DKK3: variants seen among roughly 807,000 people sequenced by gnomAD.
DKK3 encodes dickkopf Wnt signaling pathway inhibitor 3.
A neutral mutation model predicts 33.2 loss-of-function variants in DKK3; 22 were observed. That is an observed-to-expected ratio of 0.66 (90% CI 0.47 to 0.95). The LOEUF (loss-of-function observed/expected upper bound fraction) is 0.95, where lower values mean the gene tolerates loss of function less well. Ranked by LOEUF, DKK3 falls within the 40% of genes least tolerant of loss-of-function variation. The pLI, the probability that DKK3 is intolerant of heterozygous loss-of-function variation, is 0.00. For synonymous variants in DKK3, 194 were observed against 188.8 expected, an observed-to-expected ratio of 1.03 and a Z score of -0.23; for missense variants, 398 against 458.4, an observed-to-expected ratio of 0.87 and a Z score of 1.20.
chr11:11,999,517 C>T (rs1374899540), intron 2 of DKK3, among the ~76,000 whole-genome samples: 2 of 152,156 alleles, frequency 1.3e-5, no homozygotes, highest in African/African-American at 4.8e-5. Flanking sequence ...CCCAGCTACT[C>T]GGGAGGCTGA....
chr11:11,965,429 A>G (rs1590493810), intron 6 of DKK3, among the ~76,000 whole-genome samples: 2 of 152,116 alleles, frequency 1.3e-5, no homozygotes, highest in South Asian at 4.1e-4. Context: ...TGCACCCTCC[A>G]CCTTGGTGGC....
chr11:11,966,052 C>G, intron 5 of DKK3, 87 bp from the exon 6 acceptor site: 2 of 1,431,190 alleles, frequency 1.4e-6, no homozygotes, highest in Non-Finnish European at 9.3e-7. Flanking sequence ...AGCATAACCT[C>G]CCACCTCCCA....
intron 3 of DKK3, among the ~76,000 whole-genome samples, chr11:11,973,709 C>G (rs1020868900): frequency 2.0e-5 from 3 of 152,202 alleles, no homozygotes; most frequent in African/African-American, 7.2e-5. Flanking sequence ...ATAGATTTGG[C>G]AGGAATGTCA....
At chr11:11,985,900 C>T (rs1848060883) in intron 3 of DKK3, among the ~76,000 whole-genome samples, 2 of 152,234 alleles carry the variant, frequency 1.3e-5, no homozygotes, top group African/African-American at 2.4e-5. Context: ...CTGAGTATGA[C>T]TTCTGGCCTT....
chr11:11,993,820 A>G (rs1848235524), intron 3 of DKK3, among the ~76,000 whole-genome samples: 1 of 152,208 alleles, frequency 6.6e-6, no homozygotes, highest in Non-Finnish European at 1.5e-5. Context: ...CCTTAGGACA[A>G]TAAGTCTGTT....
chr11:11,966,357 C>T (rs1056792595), intron 5 of DKK3, among the ~76,000 whole-genome samples: 1 of 152,134 alleles, frequency 6.6e-6, no homozygotes, highest in African/African-American at 2.4e-5. Flanking sequence ...AAAAGGAGGG[C>T]AAGTAAGTTG....
chr11:11,991,171 A>G (rs1425537985), intron 3 of DKK3, among the ~76,000 whole-genome samples: 2 of 152,226 alleles, frequency 1.3e-5, no homozygotes, highest in East Asian at 3.8e-4. Flanking sequence ...AATGGACTGC[A>G]AGCAAACCTG....
At chr11:11,966,412 C>T (rs1564905818) in intron 5 of DKK3, among the ~76,000 whole-genome samples, 1 of 152,138 alleles carries the variant, frequency 6.6e-6, no homozygotes, top group Non-Finnish European at 1.5e-5. Context: ...GTCTGAACAT[C>T]GTGGGAGACA....
At chr11:11,971,830 G>A (rs748241617) in intron 3 of DKK3, among the ~76,000 whole-genome samples, 8 of 151,966 alleles carry the variant, frequency 5.3e-5, no homozygotes, top group East Asian at 3.9e-4. Flanking sequence ...TTCTAGGTAC[G>A]GAAAAAAAAT....
At chr11:11,997,078 G>A (rs1848311689) in intron 3 of DKK3, among the ~76,000 whole-genome samples, 1 of 152,228 alleles carries the variant, frequency 6.6e-6, no homozygotes, top group African/African-American at 2.4e-5. Context: ...GGACACAGCT[G>A]CCTCGTTGAA....
chr11:11,980,372 A>T (rs989423096), intron 3 of DKK3, among the ~76,000 whole-genome samples: 1 of 152,230 alleles, frequency 6.6e-6, no homozygotes, highest in Non-Finnish European at 1.5e-5. Context: ...GACCAAGGTC[A>T]TGAGTTCCTG....
At chr11:11,992,089 A>G (rs978230017) in intron 3 of DKK3, among the ~76,000 whole-genome samples, 2 of 152,222 alleles carry the variant, frequency 1.3e-5, no homozygotes, top group African/African-American at 4.8e-5. Context: ...AAATAAATGA[A>G]TGAATTAATA....
Position 12,008,535 on chromosome 11 carries a change from C to A in DKK3, c.48G>T (p.Ala16=), listed in dbSNP as rs990459766. Residue 16 remains alanine, a synonymous_variant, in exon 1 of 7, where the codon GCG becomes GCT. Transcript: ENST00000683431. This position sits in a 1 kb window ranked among gnomAD's most constrained non-coding sequence, Gnocchi z 4.6. ...GAGCGGGCGCGGGGGCCGTGGGGAC[C>A]GCCGCCGCCAGCAGCAGGCACAGCA... ...ATLLCLLLAA[A]VPTAPAPAPT... is the part of the protein sequence containing the mutation. The A allele has an allele frequency of 2.6e-6, 4 of 1,554,898 alleles. No individual in the cohort carries two copies. The highest frequency in any genetic ancestry group is 3.5e-6 in the Non-Finnish European group (4 of 1,157,846).
At position 12,008,260 on chromosome 11, in the gene DKK3, G is replaced by A; in HGVS notation, c.213+110C>T. On this transcript the variant is annotated intron_variant, in intron 1 of 6. Transcript: ENST00000683431. The surrounding 1 kb of genome is among the most constrained non-coding windows in gnomAD (Gnocchi z 4.6). ...CGCATCTGCTGTCGGCCCTTCCCAG[G>A]CCCTGCGCGGGACCCGAGGTCCCTG... The A allele has an allele frequency of 2.9e-6, 4 of 1,388,164 alleles. No homozygotes were observed. Among genetic ancestry groups the A allele is most frequent in the Non-Finnish European group, 2.9e-6 (3 of 1,041,252 alleles). The allele number at this position is 1,388,164 out of a possible 1,614,324, so 86.0% of individuals were successfully genotyped here. A position where few individuals can be genotyped will look rare whatever the true frequency, so the allele number is the denominator to read the frequency against.
At chr11:12,005,267 T>C (rs1848514746) in intron 1 of DKK3, among the ~76,000 whole-genome samples, 1 of 152,228 alleles carries the variant, frequency 6.6e-6, no homozygotes, top group Admixed American at 6.5e-5. Flanking sequence ...AATGGCACCA[T>C]GAACTAAAAG....
chr11:11,965,987 C>T, intron 5 of DKK3, 22 bp from the exon 6 acceptor site: 5 of 1,599,336 alleles, frequency 3.1e-6, no homozygotes, highest in Non-Finnish European at 4.3e-6. Flanking sequence ...CCAGAGTCAC[C>T]CCTGTGTGCC....
intron 1 of DKK3, among the ~76,000 whole-genome samples, chr11:12,003,064 C>T (rs1156987651): frequency 6.6e-6 from 1 of 152,174 alleles, no homozygotes; most frequent in Non-Finnish European, 1.5e-5. Context: ...GGGATGGAGC[C>T]CTAGATGCCC....
chr11:11,979,231 TG>T (rs1321128961), intron 3 of DKK3, among the ~76,000 whole-genome samples: 1 of 152,136 alleles, frequency 6.6e-6, no homozygotes, highest in Non-Finnish European at 1.5e-5. Context: ...GGAGGCTGGG[TG>T]GGGAAGCCTT....
chr11:12,000,906 C>CAGTGT (rs1236405046), intron 2 of DKK3, among the ~76,000 whole-genome samples: 1 of 152,188 alleles, frequency 6.6e-6, no homozygotes, highest in Non-Finnish European at 1.5e-5. Context: ...ATAATAAGAA[C>CAGTGT]AGTGGTTTTT....
Sources: gnomAD v4.1 joint callset for allele counts (sites outside exome capture counted in the v4.1 genomes callset) on GRCh38, gnomAD v4.1.1 for gene constraint, Gnocchi (gnomAD v3.1) non-coding constraint, MANE v1.5 for transcripts, NCBI Gene and HGNC (gene_info 2026-07-23, HGNC 2026-07-21) for gene names.